The following RICTOR variants were observed in gnomAD, a reference collection of about 807,000 sequenced individuals.
The protein encoded by RICTOR is RPTOR independent companion of MTOR complex 2.
RICTOR carries 49 observed loss-of-function variants against 214.9 expected under a neutral mutation model. The observed-to-expected ratio is 0.23, with a 90% confidence interval of 0.18 to 0.29. The LOEUF is 0.29. Among genes scored for constraint, RICTOR ranks in the 10% least tolerant of loss-of-function variants. RICTOR has a pLI of 1.00. For missense variants in RICTOR, 1,625 were observed against 2,047.0 expected (o/e 0.79, Z 3.98); for synonymous variants, 717 against 711.3 (o/e 1.01, Z -0.13).
chr5:39,051,676 C>A (rs992229754), intron 2 of RICTOR, among the ~76,000 whole-genome samples: 8 of 151,976 alleles, frequency 5.3e-5, no homozygotes, highest in Non-Finnish European at 5.9e-5. Context: ...TCGCTTGAAC[C>A]CAGGAGGCGG....
chr5:38,958,209 C>A (rs1333261077), intron 24 of RICTOR, among the ~76,000 whole-genome samples: 1 of 151,544 alleles, frequency 6.6e-6, no homozygotes, highest in Non-Finnish European at 1.5e-5. Context: ...TGCACTCTGG[C>A]CTGGATGACA....
At chr5:39,060,357 G>A (rs957311977) in intron 2 of RICTOR, among the ~76,000 whole-genome samples, 4 of 151,782 alleles carry the variant, frequency 2.6e-5, no homozygotes, top group Non-Finnish European at 5.9e-5. Flanking sequence ...ATATATTAGC[G>A]TAAGTCCACA....
At chr5:38,960,100 T>C in intron 20 of RICTOR, 122 bp from the exon 21 acceptor site, 1 of 728,996 alleles carries the variant, frequency 1.4e-6, no homozygotes, top group Non-Finnish European at 2.4e-6. Flanking sequence ...TAGCTATCAA[T>C]CAGTGAGTAC....
chr5:39,072,887 G>C (rs948296227), intron 2 of RICTOR, among the ~76,000 whole-genome samples: 3 of 152,174 alleles, frequency 2.0e-5, no homozygotes, highest in Non-Finnish European at 2.9e-5. Context: ...TGAACTTTCA[G>C]AATAAAATAT....
intron 2 of RICTOR, among the ~76,000 whole-genome samples, chr5:39,073,683 C>T (rs1057417577): frequency 5.3e-5 from 8 of 152,140 alleles, no homozygotes; most frequent in East Asian, 1.9e-4. Flanking sequence ...GCTCCGGGGA[C>T]GGGGAGGGCA....
intron 2 of RICTOR, among the ~76,000 whole-genome samples, chr5:39,040,068 A>C (rs1318348709): frequency 6.6e-6 from 1 of 152,212 alleles, no homozygotes; most frequent in East Asian, 1.9e-4. Flanking sequence ...GAACCAAGCC[A>C]AATGTCCAAC....
intron 9 of RICTOR, among the ~76,000 whole-genome samples, chr5:38,975,915 G>A (rs1751193483): frequency 6.6e-6 from 1 of 152,126 alleles, no homozygotes; most frequent in Non-Finnish European, 1.5e-5. Flanking sequence ...AGCATCTGTG[G>A]TACTAGGCTG....
At chr5:39,006,195 A>C (rs535330617) in intron 3 of RICTOR, among the ~76,000 whole-genome samples, 55 of 152,274 alleles carry the variant, frequency 3.6e-4, no homozygotes, top group Middle Eastern at 6.8e-3. Context: ...TTTGTACAAG[A>C]TTCTCTCTTT....
Position 38,944,996 on chromosome 5 carries a change from T to G in RICTOR, c.4706A>C (p.Lys1569Thr), listed in dbSNP as rs1399239651. 6.2e-7 allele frequency: 1 copy of G among 1,613,216 alleles called. No individual in the cohort carries two copies. ...IHNPLEVVPSKFSGISGCSDG... is the reference protein window; with the variant it reads ...IHNPLEVVPSTFSGISGCSDG... ...ACTGCATCCAGAAATCCCCGAAAAC[T>G]TAGAGGGAACCACTTCTAAAGGATT... is the stretch of plus-strand genomic sequence containing the variant. The change falls in exon 35 of 38, where the codon AAG (lysine) becomes ACG (threonine). Residue 1569 changes from lysine to threonine, a missense_variant. This residue lies in a region of RICTOR where 1,214 missense variants were observed against 1,470.5 expected (regional missense o/e 0.83). Transcript: ENST00000357387.
chr5:39,041,480 G>C (rs1757163645), intron 2 of RICTOR, among the ~76,000 whole-genome samples: 1 of 152,148 alleles, frequency 6.6e-6, no homozygotes, highest in Non-Finnish European at 1.5e-5. Context: ...TCAGTTTTTT[G>C]TGCTTTAGGA....
intron 7 of RICTOR, among the ~76,000 whole-genome samples, chr5:38,990,076 G>A (rs1363409342): frequency 2.6e-5 from 4 of 152,064 alleles, no homozygotes; most frequent in Non-Finnish European, 5.9e-5. Context: ...CAATACAAAA[G>A]GTTTGGAACC....
chr5:39,000,252 T>C (rs1177792455), intron 5 of RICTOR, among the ~76,000 whole-genome samples: 2 of 151,912 alleles, frequency 1.3e-5, no homozygotes, highest in African/African-American at 4.8e-5. Flanking sequence ...AAAAAATACA[T>C]ATCTTACATA....
At chr5:39,038,417 G>A (rs2150164141) in intron 2 of RICTOR, among the ~76,000 whole-genome samples, 1 of 152,244 alleles carries the variant, frequency 6.6e-6, no homozygotes, top group South Asian at 2.1e-4. Flanking sequence ...CACAAGACAG[G>A]GATGCCCTCT....
chr5:38,968,828 A>T (rs1750455815), intron 11 of RICTOR, among the ~76,000 whole-genome samples: 1 of 151,740 alleles, frequency 6.6e-6, no homozygotes, highest in African/African-American at 2.4e-5. Context: ...TCATTCATGT[A>T]TACTGCCCCT....
intron 2 of RICTOR, among the ~76,000 whole-genome samples, chr5:39,052,846 C>T (rs1757945098): frequency 6.6e-6 from 1 of 152,150 alleles, no homozygotes; most frequent in African/African-American, 2.4e-5. Flanking sequence ...GCTTACTTGG[C>T]TTCTATTTTA....
chr5:39,007,840 T>C (rs2150115163), intron 3 of RICTOR, among the ~76,000 whole-genome samples: 1 of 150,130 alleles, frequency 6.7e-6, no homozygotes, highest in South Asian at 2.1e-4. Flanking sequence ...TATAATAGTT[T>C]TTAAATATAT....
chr5:39,007,094 T>C (rs1754146589), intron 3 of RICTOR, among the ~76,000 whole-genome samples: 1 of 152,150 alleles, frequency 6.6e-6, no homozygotes, highest in African/African-American at 2.4e-5. Context: ...AAATTAAAAG[T>C]GACAATGTGT....
intron 21 of RICTOR, 128 bp downstream of exon 21, chr5:38,959,651 C>G: frequency 1.6e-6 from 1 of 635,726 alleles, no homozygotes; most frequent in Non-Finnish European, 2.7e-6. Context: ...AATATTAAAG[C>G]AAAGATAATG....
Position 38,950,004 on chromosome 5 carries a change from A to T in RICTOR, c.3844T>A (p.Ser1282Thr). 6.2e-7 allele frequency: 1 copy of T among 1,613,472 alleles called. No homozygotes were observed. The highest frequency in any genetic ancestry group is 8.5e-7 in the Non-Finnish European group (1 of 1,179,622). The change falls in exon 31 of 38, where the codon TCA becomes ACA. Residue 1282 changes from serine to threonine, a missense_variant. This residue lies in a region of RICTOR where 1,214 missense variants were observed against 1,470.5 expected (regional missense o/e 0.83). Coordinates refer to ENST00000357387, the MANE Select transcript of RICTOR (RefSeq NM_152756.5). ...PQSNHLSLSK[S>T]NSVSLVPPGS... ...GGAGGCACCAGGGACACCGAATTTG[A>T]TTTGGAGAGAGACAGATGGTTAGAC...
Sources: allele counts gnomAD v4.1 joint callset (sites outside exome capture counted in the v4.1 genomes callset), GRCh38; gene constraint gnomAD v4.1.1; regional missense constraint gnomAD v4.1.1; transcripts MANE v1.5; gene names NCBI Gene and HGNC (gene_info 2026-07-23, HGNC 2026-07-21).